The following SERPINF2 variants were observed in gnomAD, a reference collection of about 807,000 sequenced individuals.
SERPINF2 encodes the protein serpin family F member 2.
Under a neutral mutation model 45.0 loss-of-function variants are expected in SERPINF2, and 15 were observed. That is an observed-to-expected ratio of 0.33 (90% CI 0.22 to 0.51). The LOEUF is 0.51. Ranked by LOEUF, SERPINF2 falls within the 20% of genes least tolerant of loss-of-function variation. The probability of loss-of-function intolerance (pLI) is 0.97; values close to 1 mark genes in which losing one functional copy is unlikely to be tolerated. For missense variants in SERPINF2, 518 were observed against 637.4 expected (o/e 0.81, Z 2.02); for synonymous variants, 283 against 277.9 (o/e 1.02, Z -0.18).
rs140448711 is a variant in SERPINF2, at chr17:1,743,194, A to G, written c.-5+286A>G. Reference sequence around the variant, plus strand: ...TGGGGGTGGGCTGGAGGTAGCTGAGACCTGCTCTGACTTATCCTCCTGAGA... The same window carrying G: ...TGGGGGTGGGCTGGAGGTAGCTGAGGCCTGCTCTGACTTATCCTCCTGAGA... On this transcript the variant is annotated intron_variant, in intron 1 of 9. Coordinates refer to ENST00000453066, the MANE Select transcript of SERPINF2 (RefSeq NM_000934.4). 445 of 743,482 alleles carry G rather than the reference A, an allele frequency of 6.0e-4. 1 individual carries two copies. In the African/African-American group the frequency reaches 8.0e-3, roughly 13 times the overall value. 46.1% of individuals were successfully genotyped at this position (743,482 alleles called of 1,614,324 possible).
At chr17:1,751,651 G>A (rs954384407) in intron 8 of SERPINF2, among the ~76,000 whole-genome samples, 1 of 137,796 alleles carries the variant, frequency 7.3e-6, no homozygotes. Flanking sequence ...CTACTCGGGA[G>A]GCTGAGGCAG....
At chr17:1,748,495 G>T (rs1906072971) in intron 7 of SERPINF2, 103 bp from the exon 8 acceptor site, 3 of 1,485,138 alleles carry the variant, frequency 2.0e-6, no homozygotes. Flanking sequence ...CAGGCAACGG[G>T]CTGGGGGTGC....
Position 1,754,440 on chromosome 17 carries a change from A to G in SERPINF2, c.1382A>G (p.Lys461Arg). Residue 461 changes from lysine to arginine, a missense_variant, in exon 10 of 10, where the codon AAA becomes AGA. This residue lies in a region of SERPINF2 where 83 missense variants were observed against 60.0 expected (regional missense o/e 1.38). Transcript: ENST00000453066. ...PGNKDFLQSL[K>R]GFPRGDKLFG... ...AACAAGGACTTCCTCCAGAGCCTGA[A>G]AGGCTTCCCCCGCGGAGACAAGCTT... The G allele has an allele frequency of 1.2e-6, 2 of 1,611,258 alleles. No homozygotes were observed. Among genetic ancestry groups the G allele is most frequent in the Non-Finnish European group, 1.7e-6 (2 of 1,177,938 alleles).
At position 1,748,694 on chromosome 17, in the gene SERPINF2, G is replaced by C. The variant is rs144824741; in HGVS notation, c.812G>C (p.Arg271Pro). Reference sequence around the variant, plus strand: ...GTGCCCGTGGAAATGATGCAGGCCCGCACGTACCCGCTGCGCTGGTTCTTG... The same window carrying C: ...GTGCCCGTGGAAATGATGCAGGCCCCCACGTACCCGCTGCGCTGGTTCTTG... Reference protein sequence around the residue: ...FTVPVEMMQARTYPLRWFLLE... With the variant: ...FTVPVEMMQAPTYPLRWFLLE... Residue 271 changes from arginine (R) to proline (P), a missense_variant, in exon 8 of 10, where the codon CGC becomes CCC. Physicochemically the swap from Arg to Pro is moderately radical, Grantham distance 103. Around this residue, in one of 2 missense-constraint regions of SERPINF2, gnomAD observed 435 missense variants for 577.3 expected, o/e 0.75. Transcript: ENST00000453066. The C allele has an allele frequency of 1.3e-6, 2 of 1,573,074 alleles. No individual in the cohort carries two copies. The highest frequency in any genetic ancestry group is 1.3e-5 in the African/African-American group (1 of 74,104).
chr17:1,751,710 C>T (rs148165169), intron 8 of SERPINF2, among the ~76,000 whole-genome samples: 1,776 of 135,376 alleles, frequency 0.013, 344 homozygotes, highest in Admixed American at 0.095. Flanking sequence ...GCCGAGATTG[C>T]GCCACTGCAC....
At chr17:1,746,368 T>C (rs2151189329) in intron 5 of SERPINF2, among the ~76,000 whole-genome samples, 1 of 151,802 alleles carries the variant, frequency 6.6e-6, no homozygotes, top group South Asian at 2.1e-4. Flanking sequence ...CATCTGTCTA[T>C]GTGAATCAGA....
Position 1,755,093 on chromosome 17 carries a change from C to A in SERPINF2, c.*559C>A. 6.5e-6 allele frequency: 1 copy of A among 155,038 alleles called. No homozygotes were observed. The highest frequency in any genetic ancestry group is 1.4e-5 in the Non-Finnish European group (1 of 70,044). 9.6% of individuals were successfully genotyped at this position (155,038 alleles called of 1,614,324 possible). A position where few individuals can be genotyped will look rare whatever the true frequency, so the allele number is the denominator to read the frequency against. ...GTGCCTTGTCACGCCAGACTTCCCA[C>A]GGCTCCTCGAGATCCCAACACTGCC... On this transcript the variant is annotated 3_prime_UTR_variant, in exon 10 of 10. Coordinates refer to ENST00000453066, the MANE Select transcript of SERPINF2 (RefSeq NM_000934.4). This position sits in a 1 kb window ranked among gnomAD's most constrained non-coding sequence, Gnocchi z 4.2.
rs1906689424 is a variant in SERPINF2 at position 1,754,542 on chromosome 17, T to C, written c.*8T>C. ...TTTGGCAGCCCCAAGTGAGGGGCCG[T>C]GGCTGTGGCATCCAGAGTCCCTGCC... On this transcript the variant is annotated 3_prime_UTR_variant, in exon 10 of 10. Coordinates refer to ENST00000453066, the MANE Select transcript of SERPINF2 (RefSeq NM_000934.4). The C allele has an allele frequency of 6.2e-7, 1 of 1,605,186 alleles. No individual in the cohort carries two copies. The highest frequency in any genetic ancestry group is 1.3e-5 in the African/African-American group (1 of 75,034).
intron 1 of SERPINF2, chr17:1,743,201 C>G: frequency 1.5e-6 from 1 of 683,810 alleles, no homozygotes; most frequent in Non-Finnish European, 1.8e-6. Context: ...GAGACCTGCT[C>G]TGACTTATCC....
Position 1,745,476 on chromosome 17 carries a change from G to T in SERPINF2, c.165+81G>T. ...TCGGCAGGGGTCGGGGGGTGGGGGC[G>T]CGTGCTGAGGCTGAGGCTCTGGAGT... On this transcript the variant is annotated intron_variant, in intron 4 of 9. Coordinates refer to ENST00000453066, the MANE Select transcript of SERPINF2 (RefSeq NM_000934.4). This position sits in a 1 kb window ranked among gnomAD's most constrained non-coding sequence, Gnocchi z 6.2. 3 of 1,448,202 alleles carry T rather than the reference G, an allele frequency of 2.1e-6. No individual in the cohort carries two copies. The South Asian group carries it at 3.5e-5, about 17-fold the overall frequency. 89.7% of individuals were successfully genotyped at this position (1,448,202 alleles called of 1,614,324 possible).
In SERPINF2 at chr17:1,748,854, C is replaced by T. The variant is rs532762188; in HGVS notation, c.858+114C>T. The T allele has an allele frequency of 9.8e-5, 75 of 764,844 alleles. No individual in the cohort carries two copies. The East Asian group carries it at 1.8e-3, about 18-fold the overall frequency. The allele number at this position is 764,844 out of a possible 1,614,324, so 47.4% of individuals were successfully genotyped here. A position where few individuals can be genotyped will look rare whatever the true frequency, so the allele number is the denominator to read the frequency against. ...GGAGGCTGTCTCGCCTTCCTTGCCT[C>T]CACGTCCCCTAGGCAGGCAACTGCA... is the stretch of plus-strand genomic sequence containing the variant. On this transcript the variant is annotated intron_variant, in intron 8 of 9. Coordinates refer to ENST00000453066, the MANE Select transcript of SERPINF2 (RefSeq NM_000934.4).
rs576910205 is a variant in SERPINF2 at position 1,743,162 on chromosome 17, C to A, written c.-5+254C>A. The A allele has an allele frequency of 3.2e-6, 3 of 944,268 alleles. No homozygotes were observed. The East Asian group carries it at 3.5e-4, about 111-fold the overall frequency. 58.5% of individuals were successfully genotyped at this position (944,268 alleles called of 1,614,324 possible). On this transcript the variant is annotated intron_variant, in intron 1 of 9. Transcript: ENST00000453066. ...CAAAGGATCCTCCAGAAGGGTTGGC[C>A]CCAAGATGGGGGTGGGCTGGAGGTA...
rs1905728875 is a variant in SERPINF2, at chr17:1,745,459, G to A, written c.165+64G>A. ...AGAGGGAGGAGGGCCCATCGGCAGG[G>A]GTCGGGGGGTGGGGGCGCGTGCTGA... is the stretch of plus-strand genomic sequence containing the variant. On this transcript the variant is annotated intron_variant, in intron 4 of 9. Transcript: ENST00000453066. The surrounding 1 kb of genome is among the most constrained non-coding windows in gnomAD (Gnocchi z 6.2). The A allele has an allele frequency of 6.6e-7, 1 of 1,506,734 alleles. No homozygotes were observed. The highest frequency in any genetic ancestry group is 9.1e-7 in the Non-Finnish European group (1 of 1,096,560). The allele number at this position is 1,506,734 out of a possible 1,614,324, so 93.3% of individuals were successfully genotyped here.
chr17:1,747,188 C>T (rs370902343), intron 6 of SERPINF2, 26 bp downstream of exon 6: 12 of 1,611,582 alleles, frequency 7.4e-6, no homozygotes, highest in Middle Eastern at 1.6e-4. Context: ...AGGGAGCTCC[C>T]TCAGTCCTGC....
chr17:1,745,065 C>T lies in SERPINF2; in HGVS notation c.63+7C>T. On this transcript the variant is annotated splice_region_variant and intron_variant, in intron 2 of 9. Transcript: ENST00000453066. The surrounding 1 kb of genome is among the most constrained non-coding windows in gnomAD (Gnocchi z 6.2). ...GCAAGGCCCCTGCTCCGTGGTGAGG[C>T]TGGGCTGAAGTCAAGGTGGGGTGGG... 1 of 1,611,776 alleles carries T rather than the reference C, an allele frequency of 6.2e-7. No homozygotes were observed. Among genetic ancestry groups the T allele is most frequent in the Non-Finnish European group, 8.5e-7 (1 of 1,179,698 alleles).
chr17:1,749,409 C>T (rs913549762), intron 8 of SERPINF2, among the ~76,000 whole-genome samples: 1 of 151,924 alleles, frequency 6.6e-6, no homozygotes, highest in African/African-American at 2.4e-5. Context: ...ACCAGCCTGA[C>T]CAACATAGCA....
At chr17:1,747,830 C>T (rs1905991604) in intron 7 of SERPINF2, among the ~76,000 whole-genome samples, 1 of 151,862 alleles carries the variant, frequency 6.6e-6, no homozygotes, top group South Asian at 2.1e-4. Flanking sequence ...TCCCAAAGTG[C>T]TGGGATTACA....
Position 1,754,840 on chromosome 17 carries a change from C to T in SERPINF2, c.*306C>T, listed in dbSNP as rs963961424. ...TGCCAGGAGACAGGTTAGCTGCTCC[C>T]CACGTCAGCTGGGACACCCCGACTT... On this transcript the variant is annotated 3_prime_UTR_variant, in exon 10 of 10. Coordinates refer to ENST00000453066, the MANE Select transcript of SERPINF2 (RefSeq NM_000934.4). The T allele has an allele frequency of 6.4e-6, 3 of 465,496 alleles. No individual in the cohort carries two copies. The highest frequency in any genetic ancestry group is 1.1e-5 in the Non-Finnish European group (3 of 264,494). The allele number at this position is 465,496 out of a possible 1,614,324, so 28.8% of individuals were successfully genotyped here.
At position 1,751,977 on chromosome 17, in the gene SERPINF2, T is replaced by G. The variant is rs371888605; in HGVS notation, c.859-609T>G. ...CCTTACGCCGGGTCACACGGCCAGC[T>G]GGTAGCCGGTGAAGAGAGAAAACCA... On this transcript the variant is annotated intron_variant, in intron 8 of 9. Coordinates refer to ENST00000453066, the MANE Select transcript of SERPINF2 (RefSeq NM_000934.4). 2.2e-3 allele frequency among the ~76,000 whole-genome samples: 307 copies of G among 138,472 alleles called. 18 individuals are homozygous for G. Among genetic ancestry groups the G allele is most frequent in the African/African-American group, 7.3e-3 (297 of 40,848 alleles). 90.8% of individuals were successfully genotyped at this position (138,472 alleles called of 152,430 possible).
Sources: allele counts gnomAD v4.1 joint callset (sites outside exome capture counted in the v4.1 genomes callset), GRCh38; gene constraint gnomAD v4.1.1; regional missense constraint gnomAD v4.1.1; non-coding constraint Gnocchi (gnomAD v3.1); transcripts MANE v1.5; gene names NCBI Gene and HGNC (gene_info 2026-07-23, HGNC 2026-07-21).